The following DMD variants were observed in gnomAD, a reference collection of about 807,000 sequenced individuals.
DMD encodes mutant dystrophin.
In DMD, 63 loss-of-function variants were observed where a neutral mutation model predicts 330.1. The observed-to-expected ratio is 0.19, with a 90% CI of 0.16 to 0.24. The LOEUF (loss-of-function observed/expected upper bound fraction) is 0.24. DMD is among the 10% of genes least tolerant of loss of function. The pLI is 1.00. For missense variants in DMD, 3,344 were observed against 2,684.1 expected (o/e 1.25, Z -5.43); for synonymous variants, 1,223 against 959.8 (o/e 1.27, Z -5.07).
At chrX:32,512,506 G>A (rs765592277) in intron 18 of DMD, among the ~76,000 whole-genome samples, 7 of 112,083 alleles carry the variant, frequency 6.2e-5, no homozygotes, top group African/African-American at 1.6e-4. Context: ...TGTGTGTTAG[G>A]CATGGGGACA....
At position 32,044,088 on chromosome X, in the gene DMD, A is replaced by G. The variant is rs146732143; in HGVS notation, c.6439-75574T>C. 5.7e-3 allele frequency among the ~76,000 whole-genome samples: 635 copies of G among 111,816 alleles called. 6 individuals carry two copies. Among genetic ancestry groups the G allele is most frequent in the African/African-American group, 0.02 (601 of 30,730 alleles). ...TTGCCAGCTTTAGAAAGCAAATGTT[A>G]AGAATCTAAACATTATCAAGGGGAC... On this transcript the variant is annotated intron_variant, in intron 44 of 78. Coordinates refer to ENST00000357033, the MANE Select transcript of DMD (RefSeq NM_004006.3).
chrX:32,334,317 AG>A (rs1277123529), intron 41 of DMD, among the ~76,000 whole-genome samples: 1 of 112,158 alleles, frequency 8.9e-6, no homozygotes, highest in African/African-American at 3.2e-5. Context: ...CATTTGCTAA[AG>A]AACATTCTGT....
At chrX:31,786,261 G>C (rs1438501922) in intron 50 of DMD, among the ~76,000 whole-genome samples, 1 of 111,789 alleles carries the variant, frequency 8.9e-6, no homozygotes, top group Non-Finnish European at 1.9e-5. Context: ...TTTGAGAAGA[G>C]TCTGTTTATA....
chrX:31,182,991 T>A, intron 67 of DMD, 87 bp from the exon 68 acceptor site: 1 of 789,090 alleles, frequency 1.3e-6, no homozygotes, highest in Non-Finnish European at 1.8e-6. Flanking sequence ...ATCAGTTCGA[T>A]TAATAAGTTA....
chrX:32,701,385 G>C (rs79376021), intron 7 of DMD, among the ~76,000 whole-genome samples: 149 of 111,960 alleles, frequency 1.3e-3, no homozygotes, highest in Non-Finnish European at 2.1e-3. Flanking sequence ...AGTAATTTTT[G>C]CAAGTACTTT....
At chrX:31,250,759 C>A (rs1021947975) in intron 63 of DMD, among the ~76,000 whole-genome samples, 1 of 111,168 alleles carries the variant, frequency 9.0e-6, no homozygotes, top group Non-Finnish European at 1.9e-5. Context: ...ATTAGCACCA[C>A]CTAAAAATCT....
intron 1 of DMD, among the ~76,000 whole-genome samples, chrX:33,046,332 T>C (rs767032549): frequency 1.8e-4 from 20 of 111,946 alleles, no homozygotes; most frequent in Non-Finnish European, 3.8e-4. Context: ...CCCACTTAAA[T>C]TTGTGTGATA....
At chrX:32,287,789 G>T in intron 42 of DMD, 88 bp from the exon 43 acceptor site, 1 of 617,182 alleles carries the variant, frequency 1.6e-6, no homozygotes, top group Non-Finnish European at 2.3e-6. Context: ...AAATCCCAAA[G>T]GTAGCAAATG....
intron 49 of DMD, among the ~76,000 whole-genome samples, chrX:31,824,185 T>C (rs1025689830): frequency 8.9e-6 from 1 of 112,177 alleles, no homozygotes; most frequent in East Asian, 2.8e-4. Flanking sequence ...TGTTGCTGCA[T>C]TGTGGGGAAT....
chrX:31,652,570 A>G (rs2080521546), intron 54 of DMD, among the ~76,000 whole-genome samples: 1 of 111,868 alleles, frequency 8.9e-6, no homozygotes, highest in Non-Finnish European at 1.9e-5. Context: ...GCATTGTGCC[A>G]AGCACCTCAC....
At chrX:31,580,333 T>A (rs903921951) in intron 55 of DMD, among the ~76,000 whole-genome samples, 2 of 111,724 alleles carry the variant, frequency 1.8e-5, no homozygotes, top group African/African-American at 6.5e-5. Flanking sequence ...CTTCCACTCT[T>A]CACCTCAGCC....
At chrX:32,463,081 G>A (rs1477194500) in intron 25 of DMD, among the ~76,000 whole-genome samples, 2 of 111,621 alleles carry the variant, frequency 1.8e-5, no homozygotes, top group East Asian at 2.8e-4. Flanking sequence ...ATTTTATTTT[G>A]TACCAAATAT....
At chrX:33,312,729 A>AT (rs775800679) in intron 1 of DMD, among the ~76,000 whole-genome samples, 57 of 111,659 alleles carry the variant, frequency 5.1e-4, no homozygotes, top group Non-Finnish European at 1.0e-3. Context: ...GTATAATCCC[A>AT]TTTTGCCTGT....
Position 31,206,687 on chromosome X carries a change from C to T in DMD, c.9564-20G>A, listed in dbSNP as rs1602696846. ...CGTCCCCTATTATGAAGAATCAAAGCAGAAAACAATTACTGACCCTTTCCT... is the reference window on the plus strand; with the variant it reads ...CGTCCCCTATTATGAAGAATCAAAGTAGAAAACAATTACTGACCCTTTCCT... On this transcript the variant is annotated intron_variant, in intron 65 of 78. Coordinates refer to ENST00000357033, the MANE Select transcript of DMD (RefSeq NM_004006.3). 8.6e-7 allele frequency: 1 copy of T among 1,166,282 alleles called. No individual in the cohort carries two copies. The highest frequency in any genetic ancestry group is 1.8e-5 in the South Asian group (1 of 55,027).
intron 44 of DMD, among the ~76,000 whole-genome samples, chrX:32,114,900 T>C (rs1188389700): frequency 1.8e-5 from 2 of 112,478 alleles, no homozygotes; most frequent in African/African-American, 6.5e-5. Flanking sequence ...AAATAGTTTT[T>C]TGATGCATGC....
chrX:31,363,964 T>C (rs2148602267), intron 60 of DMD, among the ~76,000 whole-genome samples: 1 of 112,534 alleles, frequency 8.9e-6, no homozygotes, highest in Non-Finnish European at 1.9e-5. Context: ...ATATTGATGT[T>C]TGAGATAAGA....
intron 60 of DMD, among the ~76,000 whole-genome samples, chrX:31,393,218 C>T (rs1229363725): frequency 9.0e-6 from 1 of 111,684 alleles, no homozygotes; most frequent in Non-Finnish European, 1.9e-5. Flanking sequence ...TGGCTCATGC[C>T]TGTCATCCCA....
intron 16 of DMD, 60 bp from the exon 17 acceptor site, chrX:32,545,394 T>C: frequency 9.2e-7 from 1 of 1,092,354 alleles, no homozygotes; most frequent in South Asian, 1.9e-5. Context: ...TAAAGACTGC[T>C]TGGAGTGGCA....
intron 44 of DMD, among the ~76,000 whole-genome samples, chrX:32,102,942 C>A (rs1279801042): frequency 4.5e-5 from 5 of 111,331 alleles, no homozygotes; most frequent in South Asian, 3.7e-4. Context: ...AACATTTTAT[C>A]CCCTTGTAGA....
Sources: gnomAD v4.1 joint callset for allele counts (sites outside exome capture counted in the v4.1 genomes callset) on GRCh38, gnomAD v4.1.1 for gene constraint, MANE v1.5 for transcripts, NCBI Gene and HGNC (gene_info 2026-07-23, HGNC 2026-07-21) for gene names.